ZNF536: variants seen among roughly 807,000 people sequenced by gnomAD.
The protein encoded by ZNF536 is zinc finger protein 536.
ZNF536 carries 13 observed loss-of-function variants against 84.5 expected under a neutral mutation model. The observed-to-expected ratio is 0.15, with a 90% confidence interval of 0.10 to 0.24. The LOEUF (loss-of-function observed/expected upper bound fraction) is 0.24. Among genes scored for constraint, ZNF536 ranks in the 10% least tolerant of loss-of-function variants. ZNF536 has a pLI of 1.00. For missense variants in ZNF536, 1,536 were observed against 1,747.5 expected, an observed-to-expected ratio of 0.88 and a Z score of 2.16; for synonymous variants, 811 against 742.5, an observed-to-expected ratio of 1.09 and a Z score of -1.50.
intron 2 of ZNF536, among the ~76,000 whole-genome samples, chr19:30,345,751 C>A (rs1044135400): frequency 4.6e-5 from 7 of 152,174 alleles, no homozygotes; most frequent in Admixed American, 4.6e-4. Flanking sequence ...CTCGACCCAC[C>A]AGCGGGAGCC....
intron 1 of ZNF536, among the ~76,000 whole-genome samples, chr19:30,685,137 T>C (rs560350241): frequency 2.0e-5 from 3 of 152,290 alleles, no homozygotes; most frequent in African/African-American, 7.2e-5. Flanking sequence ...CTTTATCAAA[T>C]CCTTTGGAAG....
intron 1 of ZNF536, among the ~76,000 whole-genome samples, chr19:30,651,823 G>GA (rs2049719438): frequency 6.6e-6 from 1 of 152,210 alleles, no homozygotes; most frequent in African/African-American, 2.4e-5. Flanking sequence ...GAAAAATGAG[G>GA]CGATGAGGGC....
chr19:30,236,164 A>T (rs1599835343), intron 1 of ZNF536, among the ~76,000 whole-genome samples: 1 of 152,196 alleles, frequency 6.6e-6, no homozygotes, highest in South Asian at 2.1e-4. Flanking sequence ...CGCAGCCGAA[A>T]CCTCCTCTGA....
intron 1 of ZNF536, among the ~76,000 whole-genome samples, chr19:30,257,827 G>A (rs2024991571): frequency 6.6e-6 from 1 of 152,234 alleles, no homozygotes; most frequent in Non-Finnish European, 1.5e-5. Context: ...CTCACTCTAA[G>A]AGTCTGCATG....
chr19:30,390,315 G>A (rs1024355125), intron 1 of ZNF536, among the ~76,000 whole-genome samples: 22 of 152,184 alleles, frequency 1.4e-4, no homozygotes, highest in African/African-American at 4.8e-4. Flanking sequence ...CTCTTTCTCT[G>A]TTAATAAGCT....
intron 1 of ZNF536, among the ~76,000 whole-genome samples, chr19:30,597,283 A>G (rs2047501209): frequency 6.6e-6 from 1 of 152,204 alleles, no homozygotes. Flanking sequence ...CAAGTTTACA[A>G]CAGGACACAC....
At chr19:30,703,878 A>G (rs1021350499) in intron 1 of ZNF536, among the ~76,000 whole-genome samples, 7 of 152,212 alleles carry the variant, frequency 4.6e-5, no homozygotes, top group African/African-American at 1.7e-4. Flanking sequence ...TGGAAATGGA[A>G]GCCTTGAGTT....
chr19:30,276,896 G>T (rs964079096), intron 1 of ZNF536, among the ~76,000 whole-genome samples: 5 of 151,528 alleles, frequency 3.3e-5, no homozygotes, highest in African/African-American at 1.2e-4. Flanking sequence ...AAGGAATATT[G>T]TAGCAAACAA....
intron 1 of ZNF536, among the ~76,000 whole-genome samples, chr19:30,254,835 C>G (rs566826072): frequency 6.6e-6 from 1 of 152,120 alleles, no homozygotes; most frequent in African/African-American, 2.4e-5. Flanking sequence ...TCAGCTGAGC[C>G]GAAAGCCTGA....
At chr19:30,292,369 A>C (rs1357861426) in intron 2 of ZNF536, among the ~76,000 whole-genome samples, 1 of 141,692 alleles carries the variant, frequency 7.1e-6, no homozygotes, top group Non-Finnish European at 1.5e-5. Context: ...ACAGGGTTTC[A>C]CTGTTGCCCA....
At chr19:30,270,662 G>A (rs1033995683) in intron 1 of ZNF536, among the ~76,000 whole-genome samples, 2 of 151,952 alleles carry the variant, frequency 1.3e-5, no homozygotes, top group African/African-American at 2.4e-5. Flanking sequence ...ATTATCCATC[G>A]GTATCATCTG....
intron 1 of ZNF536, among the ~76,000 whole-genome samples, chr19:30,234,772 C>T (rs953733413): frequency 3.5e-4 from 47 of 136,142 alleles, no homozygotes; most frequent in Admixed American, 2.2e-3. Flanking sequence ...CACACACACA[C>T]ACGCGCACAC....
At position 30,625,004 on chromosome 19, in the gene ZNF536, C is replaced by A. The variant is rs1232387716; in HGVS notation, c.169+75490C>A. On this transcript the variant is annotated intron_variant, in intron 1 of 1. Transcript: ENST00000592773. ...ATTGTAAGTTTCCTGAGGGCCTCCC[C>A]AGCCATGCAGAACTGTGAGTCAATT... Among the ~76,000 whole-genome samples, 3 of 152,334 alleles carry A rather than the reference C, an allele frequency of 2.0e-5. No individual in the cohort carries two copies. In the East Asian group the frequency reaches 5.8e-4, roughly 29 times the overall value.
At chr19:30,451,378 T>C (rs984116333) in intron 2 of ZNF536, among the ~76,000 whole-genome samples, 3 of 152,240 alleles carry the variant, frequency 2.0e-5, no homozygotes, top group Non-Finnish European at 4.4e-5. Flanking sequence ...CCCATTCACT[T>C]GGTAGACTTG....
chr19:30,617,366 T>TTTTTTTTTTA lies in ZNF536; in HGVS notation c.169+67852_169+67853insTTTTTTTTTA, dbSNP rs869281886. ...TTTTTTTTTTTTTTTTTTTTTTTTTTATGAGATGGAGTCTGACTCTGTCAC... is the reference window on the plus strand; with the variant it reads ...TTTTTTTTTTTTTTTTTTTTTTTTTTTTTTTTTTTAATGAGATGGAGTCTGACTCTGTCAC... On this transcript the variant is annotated intron_variant, in intron 1 of 1. Transcript: ENST00000592773. 9.3e-4 allele frequency among the ~76,000 whole-genome samples: 108 copies of TTTTTTTTTTA among 115,962 alleles called. 2 individuals are homozygous for TTTTTTTTTTA. Among genetic ancestry groups the TTTTTTTTTTA allele is most frequent in the Non-Finnish European group, 1.7e-3 (97 of 55,730 alleles). 76.1% of individuals were successfully genotyped at this position (115,962 alleles called of 152,430 possible).
intron 1 of ZNF536, among the ~76,000 whole-genome samples, chr19:30,383,701 CTCTT>C (rs762457465): frequency 0.074 from 851 of 11,536 alleles, 75 homozygotes; most frequent in East Asian, 0.28. Flanking sequence ...TCTTTTCTTT[CTCTT>C]TCTTTCTTTC....
At chr19:30,518,938 G>A (rs1362547710) in intron 2 of ZNF536, among the ~76,000 whole-genome samples, 2 of 152,218 alleles carry the variant, frequency 1.3e-5, no homozygotes, top group Non-Finnish European at 2.9e-5. Context: ...CCCGGGAGCA[G>A]CACGCAGATG....
At chr19:30,302,252 T>C (rs1270888372) in intron 2 of ZNF536, among the ~76,000 whole-genome samples, 1 of 152,092 alleles carries the variant, frequency 6.6e-6, no homozygotes, top group Admixed American at 6.5e-5. Flanking sequence ...CCTCGGGAGA[T>C]GGGAGGCTCT....
Position 30,243,114 on chromosome 19 carries a change from C to T in ZNF536, c.-190+14441C>T, listed in dbSNP as rs1481445947. Reference sequence around the variant, plus strand: ...GTTGCTTAAATATTTCTCCTTCCTTCGCAAAAATCTATGATGAGTTAAAGG... The same window carrying T: ...GTTGCTTAAATATTTCTCCTTCCTTTGCAAAAATCTATGATGAGTTAAAGG... On this transcript the variant is annotated intron_variant, in intron 1 of 5. Transcript: ENST00000585628. Among the ~76,000 whole-genome samples, 5 of 152,048 alleles carry T rather than the reference C, an allele frequency of 3.3e-5. 1 individual carries two copies. In the East Asian group the frequency reaches 9.7e-4, roughly 29 times the overall value.
Sources: allele counts gnomAD v4.1 joint callset (sites outside exome capture counted in the v4.1 genomes callset), GRCh38; gene constraint gnomAD v4.1.1; transcripts MANE v1.5; gene names NCBI Gene and HGNC (gene_info 2026-07-23, HGNC 2026-07-21).